Variants in PITPNC1 observed in about 807,000 individuals in gnomAD.
PITPNC1 encodes the protein cytoplasmic phosphatidylinositol transfer protein 1.
Under a neutral mutation model 44.7 loss-of-function variants are expected in PITPNC1, and 18 were observed. The ratio of observed to expected loss-of-function variants is 0.40; its 90% CI spans 0.28 to 0.60. The LOEUF is 0.60. Among genes scored for constraint, PITPNC1 ranks in the 20% least tolerant of loss-of-function variants. PITPNC1 has a pLI of 0.39. For synonymous variants in PITPNC1, 141 were observed against 149.6 expected (o/e 0.94, Z 0.42); for missense variants, 290 against 418.4 (o/e 0.69, Z 2.68).
At chr17:67,408,676 T>G (rs2038437518) in intron 1 of PITPNC1, 1 of 48,080 alleles carries the variant, frequency 2.1e-5, no homozygotes, top group Non-Finnish European at 5.2e-5. Flanking sequence ...TGCTTTCTCT[T>G]TCTTCCTTCC....
chr17:67,527,467 G>T (rs2040404632), intron 1 of PITPNC1, among the ~76,000 whole-genome samples: 2 of 152,220 alleles, frequency 1.3e-5, no homozygotes, highest in Admixed American at 6.5e-5. Flanking sequence ...CACTTTGGGA[G>T]GCCGAGGCGG....
intron 1 of PITPNC1, among the ~76,000 whole-genome samples, chr17:67,452,409 C>T (rs8068077): frequency 0.46 from 69,287 of 151,794 alleles, 17,936 homozygotes; most frequent in African/African-American, 0.71. Flanking sequence ...GTTTCTAATT[C>T]GGGGCTACTG....
rs1244349832 is a variant in PITPNC1 at position 67,477,223 on chromosome 17, G to A, written c.49-55579G>A. Among the ~76,000 whole-genome samples the A allele has an allele frequency of 4.0e-5, 6 of 149,074 alleles. No individual in the cohort carries two copies. The South Asian group carries it at 6.4e-4, about 16-fold the overall frequency. On this transcript the variant is annotated intron_variant, in intron 1 of 8. Transcript: ENST00000581322. ...CCCAAGTACCTGAGACTACAGGTGT[G>A]TGCCAACACACCCAGCTCTTTTTTT...
chr17:67,610,198 A>G (rs1222666796), intron 5 of PITPNC1, among the ~76,000 whole-genome samples: 2 of 152,106 alleles, frequency 1.3e-5, no homozygotes, highest in Admixed American at 6.6e-5. Flanking sequence ...GCCCCACCCT[A>G]GACCCACTGA....
chr17:67,570,270 G>C (rs2041034979), intron 4 of PITPNC1, among the ~76,000 whole-genome samples: 1 of 152,196 alleles, frequency 6.6e-6, no homozygotes, highest in African/African-American at 2.4e-5. Context: ...CAGAGAAGAG[G>C]CCAGTGGAAG....
intron 1 of PITPNC1, among the ~76,000 whole-genome samples, chr17:67,493,869 C>T (rs2039894966): frequency 6.6e-6 from 1 of 152,212 alleles, no homozygotes; most frequent in Non-Finnish European, 1.5e-5. Context: ...TAACCACAAA[C>T]CTGACACCCA....
intron 5 of PITPNC1, among the ~76,000 whole-genome samples, chr17:67,603,295 C>G (rs1292832419): frequency 8.9e-6 from 1 of 112,088 alleles, no homozygotes; most frequent in Non-Finnish European, 1.8e-5. Flanking sequence ...CAGGCCCCGG[C>G]TAGGAAGTAA....
chr17:67,483,798 T>C (rs1425061265), intron 1 of PITPNC1, among the ~76,000 whole-genome samples: 5 of 152,148 alleles, frequency 3.3e-5, no homozygotes, highest in African/African-American at 7.2e-5. Context: ...AACATATAGC[T>C]CTTAAATTTC....
chr17:67,405,136 A>T (rs1413724926), intron 1 of PITPNC1, among the ~76,000 whole-genome samples: 1 of 152,050 alleles, frequency 6.6e-6, no homozygotes, highest in African/African-American at 2.4e-5. Context: ...AATCCCAGCT[A>T]CTTGGGAGGC....
chr17:67,599,759 AG>A (rs2041516735), intron 5 of PITPNC1, among the ~76,000 whole-genome samples: 1 of 152,192 alleles, frequency 6.6e-6, no homozygotes, highest in South Asian at 2.1e-4. Context: ...AGGAAGGAAA[AG>A]AATTGGATCA....
intron 5 of PITPNC1, among the ~76,000 whole-genome samples, chr17:67,623,472 C>T (rs530542732): frequency 3.1e-4 from 47 of 152,258 alleles, no homozygotes; most frequent in South Asian, 1.9e-3. Context: ...CTCCACCTCC[C>T]GGGTTCAAAC....
chr17:67,490,112 CTGTG>C (rs71354073), intron 1 of PITPNC1, among the ~76,000 whole-genome samples: 8,808 of 144,774 alleles, frequency 0.061, 262 homozygotes, highest in African/African-American at 0.07. Flanking sequence ...ACAGGCTTTT[CTGTG>C]TGTGTGTGTG....
intron 1 of PITPNC1, among the ~76,000 whole-genome samples, chr17:67,392,512 G>A (rs1030513423): frequency 2.6e-5 from 4 of 152,034 alleles, no homozygotes; most frequent in African/African-American, 9.7e-5. Flanking sequence ...CCAAAGTGCT[G>A]GGATTATAGG....
At chr17:67,548,923 C>A (rs1309223575) in intron 2 of PITPNC1, among the ~76,000 whole-genome samples, 1 of 152,076 alleles carries the variant, frequency 6.6e-6, no homozygotes, top group Non-Finnish European at 1.5e-5. Context: ...ACAGTGGGGA[C>A]TAATTTAATT....
chr17:67,687,131 T>C (rs765449858), intron 8 of PITPNC1: 1 of 1,611,842 alleles, frequency 6.2e-7, no homozygotes, highest in East Asian at 2.2e-5. Flanking sequence ...CATAAAAGTT[T>C]GCAATCAGCA....
At chr17:67,583,780 CG>C (rs71139160) in intron 5 of PITPNC1, among the ~76,000 whole-genome samples, 148,857 of 148,862 alleles carry the variant, frequency 1, 74,426 homozygotes, top group Middle Eastern at 1. Flanking sequence ...CTGCAAGCTC[CG>C]GCCTTCCAGG....
intron 1 of PITPNC1, among the ~76,000 whole-genome samples, chr17:67,428,218 C>T (rs997007109): frequency 6.6e-6 from 1 of 152,124 alleles, no homozygotes; most frequent in Non-Finnish European, 1.5e-5. Context: ...TTAGTGTTTA[C>T]AGCTAGTGTC....
intron 8 of PITPNC1, 124 bp downstream of exon 8, chr17:67,675,666 TG>T: frequency 1.4e-6 from 1 of 712,630 alleles, no homozygotes; most frequent in South Asian, 1.6e-5. Context: ...CTTCCTGTGT[TG>T]GAAATAGCAC....
At chr17:67,587,991 T>A (rs574836231) in intron 5 of PITPNC1, among the ~76,000 whole-genome samples, 1 of 152,140 alleles carries the variant, frequency 6.6e-6, no homozygotes, top group African/African-American at 2.4e-5. Flanking sequence ...ATAGCCATCG[T>A]GAAGTTTGTT....
Sources: gnomAD v4.1 joint callset for allele counts (sites outside exome capture counted in the v4.1 genomes callset) on GRCh38, gnomAD v4.1.1 for gene constraint, MANE v1.5 for transcripts, NCBI Gene and HGNC (gene_info 2026-07-23, HGNC 2026-07-21) for gene names.